KLHL6: variants seen among roughly 807,000 people sequenced by gnomAD.
KLHL6 encodes kelch-like protein 6.
KLHL6 carries 41 observed loss-of-function variants against 58.6 expected under a neutral mutation model. The ratio of observed to expected loss-of-function variants is 0.70; its 90% confidence interval spans 0.55 to 0.91. The LOEUF is 0.91. Among genes scored for constraint, KLHL6 ranks in the 40% least tolerant of loss-of-function variants. KLHL6 has a pLI of 0.00. For synonymous variants in KLHL6, 338 were observed against 322.7 expected (o/e 1.05, Z -0.51); for missense variants, 714 against 805.6 (o/e 0.89, Z 1.38).
intron 2 of KLHL6, among the ~76,000 whole-genome samples, chr3:183,512,627 G>T (rs1470580438): frequency 6.6e-6 from 1 of 151,916 alleles, no homozygotes; most frequent in East Asian, 1.9e-4. Flanking sequence ...AAGTAGCTGG[G>T]ATTACAAACA....
intron 1 of KLHL6, among the ~76,000 whole-genome samples, chr3:183,534,878 G>GTATGTATA (rs746923157): frequency 2.7e-5 from 4 of 149,526 alleles, no homozygotes; most frequent in Non-Finnish European, 3.0e-5. Flanking sequence ...TCATATATAT[G>GTATGTATA]TATGTATATA....
At position 183,555,433 on chromosome 3, in the gene KLHL6, A is replaced by G. The variant is rs976393532; in HGVS notation, c.221T>C (p.Val74Ala). The G allele has an allele frequency of 1.4e-5, 23 of 1,613,994 alleles. No individual in the cohort carries two copies. The highest frequency in any genetic ancestry group is 1.8e-5 in the Non-Finnish European group (21 of 1,179,974). The change falls in exon 1 of 7, where the codon GTC becomes GCC. Residue 74 changes from valine to alanine, a missense_variant. By Grantham distance (64) the Val-to-Ala change is moderately conservative. Transcript: ENST00000341319. ...TTCCTGAATGTCCACACACAAGATG[A>G]CATCTGTCAGAGCGTTTTCCATTCG... ...TLRMENALTD[V>A]ILCVDIQEFS...
At chr3:183,530,171 C>T (rs958732862) in intron 1 of KLHL6, among the ~76,000 whole-genome samples, 2 of 152,052 alleles carry the variant, frequency 1.3e-5, no homozygotes, top group Non-Finnish European at 2.9e-5. Flanking sequence ...AGAAGTGGGG[C>T]GCTGCTGTCA....
rs570390828 is a variant in KLHL6 at position 183,521,975 on chromosome 3, G to A, written c.459+5870C>T. Among the ~76,000 whole-genome samples, 6 of 150,520 alleles carry A rather than the reference G, an allele frequency of 4.0e-5. No homozygotes were observed. In the East Asian group the frequency reaches 6.1e-4, roughly 15 times the overall value. ...CTCCCAAAGTGCTGGGATTACAGGC[G>A]TGAGCCACCGTGCCTGGCTAGACTT... On this transcript the variant is annotated intron_variant, in intron 2 of 6. Coordinates refer to ENST00000341319, the MANE Select transcript of KLHL6 (RefSeq NM_130446.4).
At chr3:183,523,529 T>C (rs1711842732) in intron 2 of KLHL6, among the ~76,000 whole-genome samples, 1 of 152,160 alleles carries the variant, frequency 6.6e-6, no homozygotes, top group African/African-American at 2.4e-5. Flanking sequence ...GGTTTTCTTC[T>C]CCTAAGTTGC....
intron 1 of KLHL6, among the ~76,000 whole-genome samples, chr3:183,547,141 G>A (rs187084425): frequency 6.6e-6 from 1 of 152,246 alleles, no homozygotes; most frequent in East Asian, 1.9e-4. Flanking sequence ...TTGAACTCTT[G>A]ACCTCAGGTG....
chr3:183,514,503 A>G lies in KLHL6; in HGVS notation c.460-5995T>C, dbSNP rs116125469. Reference sequence around the variant, plus strand: ...TGATCCTACGCGCCTCACCCAGACAAGCCCAACTCCAGAGCCCAACTTTTT... The same window carrying G: ...TGATCCTACGCGCCTCACCCAGACAGGCCCAACTCCAGAGCCCAACTTTTT... On this transcript the variant is annotated intron_variant, in intron 2 of 6. Coordinates refer to ENST00000341319, the MANE Select transcript of KLHL6 (RefSeq NM_130446.4). Among the ~76,000 whole-genome samples the G allele has an allele frequency of 7.4e-3, 1,130 of 152,044 alleles. 8 individuals are homozygous for G. Among genetic ancestry groups the G allele is most frequent in the African/African-American group, 0.026 (1,085 of 41,452 alleles).
intron 2 of KLHL6, among the ~76,000 whole-genome samples, chr3:183,516,897 G>A (rs1711587303): frequency 6.6e-6 from 1 of 152,078 alleles, no homozygotes; most frequent in African/African-American, 2.4e-5. Flanking sequence ...AAGTATTTCT[G>A]AATTCATTGT....
chr3:183,535,117 G>T (rs1321137330), intron 1 of KLHL6, among the ~76,000 whole-genome samples: 1 of 151,886 alleles, frequency 6.6e-6, no homozygotes, highest in East Asian at 1.9e-4. Flanking sequence ...GCTAATTTTT[G>T]TATTTTTAGT....
chr3:183,552,594 T>C (rs1443460242), intron 1 of KLHL6, among the ~76,000 whole-genome samples: 2 of 151,680 alleles, frequency 1.3e-5, no homozygotes, highest in Non-Finnish European at 2.9e-5. Flanking sequence ...GGCAGGTGCC[T>C]GTAGTCCCAG....
chr3:183,505,885 A>G (rs987156286), intron 3 of KLHL6, among the ~76,000 whole-genome samples: 1 of 152,246 alleles, frequency 6.6e-6, no homozygotes, highest in Non-Finnish European at 1.5e-5. Context: ...AGAGATATAC[A>G]TTATAGTTTA....
chr3:183,546,911 CTTT>C (rs397991831), intron 1 of KLHL6, among the ~76,000 whole-genome samples: 5 of 132,732 alleles, frequency 3.8e-5, no homozygotes, highest in Non-Finnish European at 3.1e-5. Flanking sequence ...TGCCATAAGT[CTTT>C]TTTTTTTTTT....
intron 1 of KLHL6, among the ~76,000 whole-genome samples, chr3:183,547,733 C>CT (rs1323938745): frequency 6.6e-6 from 1 of 152,068 alleles, no homozygotes; most frequent in Non-Finnish European, 1.5e-5. Flanking sequence ...TTGCTGGATT[C>CT]TTTTTATTTC....
chr3:183,499,964 G>C lies in KLHL6; in HGVS notation c.910-137C>G. 1 of 599,770 alleles carries C rather than the reference G, an allele frequency of 1.7e-6. No individual in the cohort carries two copies. Among genetic ancestry groups the C allele is most frequent in the Admixed American group, 3.5e-5 (1 of 28,856 alleles). The allele number at this position is 599,770 out of a possible 1,614,324, so 37.2% of individuals were successfully genotyped here. A position where few individuals can be genotyped will look rare whatever the true frequency, so the allele number is the denominator to read the frequency against. On this transcript the variant is annotated intron_variant, in intron 3 of 6. Coordinates refer to ENST00000341319, the MANE Select transcript of KLHL6 (RefSeq NM_130446.4). This position sits in a 1 kb window ranked among gnomAD's most constrained non-coding sequence, Gnocchi z 4.6. ...TGTGACTTCACCTCCCTGAGCCTCAGTTTCATCATCTGTATAATCGGGATA... is the reference window on the plus strand; with the variant it reads ...TGTGACTTCACCTCCCTGAGCCTCACTTTCATCATCTGTATAATCGGGATA...
At chr3:183,553,260 T>C (rs927670742) in intron 1 of KLHL6, among the ~76,000 whole-genome samples, 6 of 152,160 alleles carry the variant, frequency 3.9e-5, no homozygotes, top group African/African-American at 1.4e-4. Flanking sequence ...CTCATTGCCG[T>C]TGCCTCCTCT....
chr3:183,516,204 AC>A (rs1711553418), intron 2 of KLHL6, among the ~76,000 whole-genome samples: 1 of 152,294 alleles, frequency 6.6e-6, no homozygotes, highest in East Asian at 1.9e-4. Flanking sequence ...TTCAATAAAC[AC>A]TTTTAGTGTG....
At chr3:183,507,495 G>A (rs903140626) in intron 3 of KLHL6, among the ~76,000 whole-genome samples, 1 of 152,112 alleles carries the variant, frequency 6.6e-6, no homozygotes, top group African/African-American at 2.4e-5. Context: ...GCAGTGGCGT[G>A]ATCTCGGCTC....
At position 183,489,984 on chromosome 3, in the gene KLHL6, T is replaced by C. The variant is rs1204723235; in HGVS notation, c.*1943A>G. The C allele has an allele frequency of 6.6e-6, 1 of 152,222 alleles. No individual in the cohort carries two copies. 9.4% of individuals were successfully genotyped at this position (152,222 alleles called of 1,614,324 possible). On this transcript the variant is annotated 3_prime_UTR_variant, in exon 7 of 7. Transcript: ENST00000341319. The stretch of plus-strand genomic sequence containing the variant: ...AACTCTATAAAGAGAATTGAAATCA[T>C]ATGATGAAAATAAAGTCCATTGGGT...
At chr3:183,524,434 C>T (rs995876224) in intron 2 of KLHL6, among the ~76,000 whole-genome samples, 3 of 152,190 alleles carry the variant, frequency 2.0e-5, no homozygotes, top group Non-Finnish European at 2.9e-5. Context: ...CAATGCATTA[C>T]GGCCAGATGA....
Sources: gnomAD v4.1 joint callset for allele counts (sites outside exome capture counted in the v4.1 genomes callset) on GRCh38, gnomAD v4.1.1 for gene constraint, Gnocchi (gnomAD v3.1) non-coding constraint, MANE v1.5 for transcripts, NCBI Gene and HGNC (gene_info 2026-07-23, HGNC 2026-07-21) for gene names.